Variants in CDK5RAP1 observed in about 807,000 individuals in gnomAD.
CDK5RAP1 encodes the protein CDK5RAP1 mitochondrial tRNA methylthiotransferase.
CDK5RAP1 carries 62 observed loss-of-function variants against 64.5 expected under a neutral mutation model. That is an observed-to-expected ratio of 0.96 (90% CI 0.78 to 1.19). CDK5RAP1 has a LOEUF of 1.19. Among genes scored for constraint, CDK5RAP1 ranks in the 50% most tolerant of loss-of-function variants. The probability of loss-of-function intolerance (pLI) is 0.00; values close to 1 mark genes in which losing one functional copy is unlikely to be tolerated. For synonymous variants in CDK5RAP1, 250 were observed against 261.9 expected, an observed-to-expected ratio of 0.95 and a Z score of 0.44; for missense variants, 657 against 735.0, an observed-to-expected ratio of 0.89 and a Z score of 1.23.
chr20:33,391,775 TC>T (rs1280573369), intron 5 of CDK5RAP1, among the ~76,000 whole-genome samples: 3 of 151,550 alleles, frequency 2.0e-5, no homozygotes, highest in African/African-American at 7.3e-5. Context: ...AGCCAAGATC[TC>T]GCCATTGCAC....
intron 8 of CDK5RAP1, 122 bp downstream of exon 8, chr20:33,379,339 C>T: frequency 1.5e-6 from 1 of 671,592 alleles, no homozygotes; most frequent in South Asian, 1.8e-5. Context: ...GAGGGTGATG[C>T]AGCAATACCC....
At chr20:33,359,911 G>GA (rs1488643803) in intron 13 of CDK5RAP1, 1 of 157,956 alleles carries the variant, frequency 6.3e-6, no homozygotes, top group African/African-American at 2.4e-5. Flanking sequence ...GAAAGGGAGA[G>GA]AAAATCCCAC....
At chr20:33,378,100 G>A (rs749772724) in intron 8 of CDK5RAP1, among the ~76,000 whole-genome samples, 2 of 152,176 alleles carry the variant, frequency 1.3e-5, no homozygotes, top group Non-Finnish European at 2.9e-5. Flanking sequence ...TTTCAGCCTA[G>A]CTCGGCTTTC....
In CDK5RAP1 at chr20:33,379,561, C is replaced by T. The variant is rs777180681; in HGVS notation, c.1007G>A (p.Gly336Glu). 2 of 1,614,048 alleles carry T rather than the reference C, an allele frequency of 1.2e-6. No homozygotes were observed. Among genetic ancestry groups the T allele is most frequent in the East Asian group, 4.5e-5 (2 of 44,876 alleles). The change falls in exon 8 of 14, where the codon GGA becomes GAA. Residue 336 changes from glycine (G) to glutamate (E), a missense_variant. Physicochemically the swap from Gly to Glu is moderately conservative, Grantham distance 98. Transcript: ENST00000346416. ...CAGAAGATGAGCAAAACGAAGTCCT[C>T]CTTGCTTGGTTTTATAGTTGGTGGT... is the stretch of plus-strand genomic sequence containing the variant. ...GFTTNYKTKQ[G>E]GLRFAHLLDQ...
At position 33,385,734 on chromosome 20, in the gene CDK5RAP1, G is replaced by A. The variant is rs749840346; in HGVS notation, c.792C>T (p.Tyr264=). The change falls in exon 7 of 14, where the codon TAC becomes TAT. Residue 264 remains tyrosine, a synonymous_variant. Transcript: ENST00000346416. ...TGCCCCGGGTGAAAGGAACAATGCA[G>A]TAGCTACACATGTTGTCACAGCCTC... ...IMRGCDNMCS[Y]CIVPFTRGRE... is the part of the protein sequence containing the mutation. The A allele has an allele frequency of 3.7e-6, 6 of 1,613,818 alleles. No homozygotes were observed. Among genetic ancestry groups the A allele is most frequent in the Non-Finnish European group, 5.1e-6 (6 of 1,179,852 alleles).
chr20:33,367,066 T>G, intron 11 of CDK5RAP1, 58 bp from the exon 12 acceptor site: 1 of 1,531,734 alleles, frequency 6.5e-7, no homozygotes, highest in South Asian at 1.2e-5. Flanking sequence ...GTAGAATCTA[T>G]TCTTAATGCA....
chr20:33,362,706 G>T (rs1030056368), intron 12 of CDK5RAP1, among the ~76,000 whole-genome samples: 5 of 151,882 alleles, frequency 3.3e-5, no homozygotes, highest in Admixed American at 3.3e-4. Flanking sequence ...GAGGAGGAAG[G>T]GACAGAAGTA....
chr20:33,380,535 G>A (rs576167877), intron 7 of CDK5RAP1, among the ~76,000 whole-genome samples: 1 of 152,224 alleles, frequency 6.6e-6, no homozygotes, highest in South Asian at 2.1e-4. Context: ...GAGAAAAATT[G>A]TTACTCATAG....
At chr20:33,393,160 G>T (rs1002805113) in intron 4 of CDK5RAP1, among the ~76,000 whole-genome samples, 1 of 152,072 alleles carries the variant, frequency 6.6e-6, no homozygotes, top group Non-Finnish European at 1.5e-5. Flanking sequence ...TTACAGGTGT[G>T]AGCAACCGTG....
rs1347752755 is a variant in CDK5RAP1, at chr20:33,379,445, C to G, written c.1107+16G>C. 2 of 1,566,202 alleles carry G rather than the reference C, an allele frequency of 1.3e-6. No homozygotes were observed. The highest frequency in any genetic ancestry group is 1.7e-4 in the Middle Eastern group (1 of 5,966). ...GAATACTAATATCAGTTTGTCACAGCTAACCTGACGCTCACCTCATCAGGA... is the reference window on the plus strand; with the variant it reads ...GAATACTAATATCAGTTTGTCACAGGTAACCTGACGCTCACCTCATCAGGA... On this transcript the variant is annotated intron_variant, in intron 8 of 13. Coordinates refer to ENST00000346416, the MANE Select transcript of CDK5RAP1 (RefSeq NM_016408.4).
chr20:33,395,077 TC>T lies in CDK5RAP1; in HGVS notation c.343del (p.Asp115ThrfsTer4). The T allele has an allele frequency of 6.2e-7, 1 of 1,613,720 alleles. No individual in the cohort carries two copies. The highest frequency in any genetic ancestry group is 1.1e-5 in the South Asian group (1 of 91,070). On this transcript the variant is annotated frameshift_variant, in exon 3 of 14. Coordinates refer to ENST00000346416, the MANE Select transcript of CDK5RAP1 (RefSeq NM_016408.4). LOFTEE classifies it high-confidence loss of function. ...ETYGCQMNVN[D>X]TEIAWSILQK... The stretch of plus-strand genomic sequence containing the variant: ...TAAGATGGACCAGGCTATCTCTGTG[TC>T]ATTCACATTCATCTGGCAGCCATAG...
At chr20:33,388,947 G>A (rs897307766) in intron 5 of CDK5RAP1, among the ~76,000 whole-genome samples, 2 of 152,190 alleles carry the variant, frequency 1.3e-5, no homozygotes, top group Non-Finnish European at 2.9e-5. Flanking sequence ...CCAGGCTGGA[G>A]TGCAGTGGCG....
chr20:33,360,188 G>A (rs1982630169), intron 13 of CDK5RAP1, 163 bp downstream of exon 13: 1 of 631,576 alleles, frequency 1.6e-6, no homozygotes, highest in Non-Finnish European at 2.8e-6. Flanking sequence ...GCATTAGTAA[G>A]GAGCAGTCTA....
At chr20:33,396,507 C>T (rs1216172285) in intron 2 of CDK5RAP1, among the ~76,000 whole-genome samples, 1 of 152,018 alleles carries the variant, frequency 6.6e-6, no homozygotes, top group African/African-American at 2.4e-5. Context: ...ACCATGTTAC[C>T]CAGACTGTTC....
At chr20:33,370,850 A>C (rs1227282471) in intron 10 of CDK5RAP1, among the ~76,000 whole-genome samples, 1 of 152,212 alleles carries the variant, frequency 6.6e-6, no homozygotes, top group Non-Finnish European at 1.5e-5. Context: ...TCCCCTAAGC[A>C]CTAGAAAAGG....
intron 5 of CDK5RAP1, among the ~76,000 whole-genome samples, chr20:33,391,210 T>C (rs915718148): frequency 2.1e-5 from 3 of 139,820 alleles, no homozygotes; most frequent in Admixed American, 1.6e-4. Context: ...GCCATGATCA[T>C]GCCACTCCAG....
At chr20:33,377,360 T>G (rs538819949) in intron 8 of CDK5RAP1, among the ~76,000 whole-genome samples, 12 of 152,360 alleles carry the variant, frequency 7.9e-5, no homozygotes, top group Admixed American at 7.2e-4. Context: ...CTAGATCTTC[T>G]GGATAACTTG....
chr20:33,375,555 G>C (rs1460263858), intron 8 of CDK5RAP1, among the ~76,000 whole-genome samples: 2 of 152,200 alleles, frequency 1.3e-5, no homozygotes, highest in East Asian at 3.9e-4. Flanking sequence ...AGACAATCCA[G>C]AGGAAAAAAG....
At chr20:33,365,423 C>G (rs921645862) in intron 12 of CDK5RAP1, among the ~76,000 whole-genome samples, 7 of 151,844 alleles carry the variant, frequency 4.6e-5, no homozygotes, top group African/African-American at 1.7e-4. Context: ...AGGTGTGCAC[C>G]ACCATACCCA....
Sources: gnomAD v4.1 joint callset for allele counts (sites outside exome capture counted in the v4.1 genomes callset) on GRCh38, gnomAD v4.1.1 for gene constraint, MANE v1.5 for transcripts, NCBI Gene and HGNC (gene_info 2026-07-23, HGNC 2026-07-21) for gene names.